C19orf53: variants seen among roughly 807,000 people sequenced by gnomAD.
The protein encoded by C19orf53 is chromosome 19 open reading frame 53.
Under a neutral mutation model 6.5 loss-of-function variants are expected in C19orf53, and 9 were observed. The observed-to-expected ratio is 1.38, with a 90% CI of 0.83 to 2.40. C19orf53 has a LOEUF of 2.40. Among genes scored for constraint, C19orf53 ranks in the 30% most tolerant of loss-of-function variants. The probability of loss-of-function intolerance (pLI) is 0.00; values close to 1 mark genes in which losing one functional copy is unlikely to be tolerated. For missense variants in C19orf53, 166 were observed against 129.7 expected (o/e 1.28, Z -1.36); for synonymous variants, 68 against 52.5 (o/e 1.29, Z -1.27).
Position 13,776,608 on chromosome 19 carries a change from C to T in C19orf53, c.154-1444C>T, listed in dbSNP as rs887471376. Among the ~76,000 whole-genome samples the T allele has an allele frequency of 1.9e-4, 29 of 152,310 alleles. 1 individual carries two copies. The highest frequency in any genetic ancestry group is 2.9e-4 in the Non-Finnish European group (20 of 68,022). On this transcript the variant is annotated intron_variant, in intron 2 of 2. Coordinates refer to ENST00000588234, the MANE Select transcript of C19orf53 (RefSeq NM_014047.3). ...TCCCTCTAGCCTTACTGGCCCCTGA[C>T]CCCTCCTTCCCGGAGCCCTTCCTGG...
chr19:13,776,741 G>A (rs890583666), intron 2 of C19orf53, among the ~76,000 whole-genome samples: 7 of 152,130 alleles, frequency 4.6e-5, no homozygotes, highest in African/African-American at 1.7e-4. Flanking sequence ...AAAGAGGCCT[G>A]CCTTGATGGT....
Position 13,774,569 on chromosome 19 carries a change from A to C in C19orf53, c.92A>C (p.Lys31Thr). 1 of 1,614,056 alleles carries C rather than the reference A, an allele frequency of 6.2e-7. No individual in the cohort carries two copies. Among genetic ancestry groups the C allele is most frequent in the African/African-American group, 1.3e-5 (1 of 75,052 alleles). ...AASEKNRGPR[K>T]GGRVIAPKKA... The stretch of plus-strand genomic sequence containing the variant: ...TCTGAAAAGAATCGGGGCCCAAGAA[A>C]AGGCGGTAAGGAGCGGCCCGGGGAC... Residue 31 changes from lysine (K) to threonine (T), a missense_variant, in exon 1 of 3, where the codon AAA (lysine) becomes ACA (threonine). By Grantham distance (78) the Lys-to-Thr change is moderately conservative. Transcript: ENST00000588234.
rs532495738 is a variant in C19orf53, at chr19:13,777,932, C to T, written c.154-120C>T. The T allele has an allele frequency of 3.4e-4, 435 of 1,269,856 alleles. 6 individuals are homozygous for T. In the South Asian group the frequency reaches 6.0e-3, roughly 18 times the overall value. The allele number at this position is 1,269,856 out of a possible 1,614,324, so 78.7% of individuals were successfully genotyped here. A position where few individuals can be genotyped will look rare whatever the true frequency, so the allele number is the denominator to read the frequency against. On this transcript the variant is annotated intron_variant, in intron 2 of 2. Coordinates refer to ENST00000588234, the MANE Select transcript of C19orf53 (RefSeq NM_014047.3). ...CAGCCACCAGACCCACAGTCAGGTG[C>T]GGTTCGAGGGGATAGTTGCTGATCT...
rs558572605 is a variant in C19orf53, at chr19:13,778,200, G to A, written c.*2G>A. ...ACCTCCTCCAAGACACCTTCCTGAG[G>A]ACGCTGGCCCCAGTGCAGGCCAACA... On this transcript the variant is annotated 3_prime_UTR_variant, in exon 3 of 3. Coordinates refer to ENST00000588234, the MANE Select transcript of C19orf53 (RefSeq NM_014047.3). 4 of 1,597,876 alleles carry A rather than the reference G, an allele frequency of 2.5e-6. No homozygotes were observed. The highest frequency in any genetic ancestry group is 1.7e-5 in the Admixed American group (1 of 58,252).
chr19:13,775,953 ATTTGT>A (rs972252289), intron 2 of C19orf53, among the ~76,000 whole-genome samples: 2 of 150,656 alleles, frequency 1.3e-5, no homozygotes, highest in Non-Finnish European at 3.0e-5. Context: ...GTCTCATCCC[ATTTGT>A]TTTGTTTTGT....
chr19:13,778,005 C>T, intron 2 of C19orf53, 47 bp from the exon 3 acceptor site: 1 of 1,568,300 alleles, frequency 6.4e-7, no homozygotes, highest in Non-Finnish European at 8.7e-7. Context: ...GTCAGGCCCT[C>T]TCTCAGCCCC....
In C19orf53 at chr19:13,774,532, G is replaced by A. The variant is rs767888673; in HGVS notation, c.55G>A (p.Ala19Thr). The stretch of plus-strand genomic sequence containing the variant: ...GCACAAACCCGCAAAGAGTAAGACG[G>A]CAGCGGCAGCCTCTGAAAAGAATCG... ...QAHKPAKSKT[A>T]AAASEKNRGP... is the part of the protein sequence containing the mutation. The change falls in exon 1 of 3, where the codon GCA becomes ACA. Residue 19 changes from alanine (A) to threonine (T), a missense_variant. Coordinates refer to ENST00000588234, the MANE Select transcript of C19orf53 (RefSeq NM_014047.3). The A allele has an allele frequency of 1.2e-6, 2 of 1,613,756 alleles. No homozygotes were observed. Among genetic ancestry groups the A allele is most frequent in the Non-Finnish European group, 8.5e-7 (1 of 1,179,748 alleles).
Position 13,778,174 on chromosome 19 carries a change from C to T in C19orf53, c.276C>T (p.Ala92=). 1 of 1,609,808 alleles carries T rather than the reference C, an allele frequency of 6.2e-7. No individual in the cohort carries two copies. The highest frequency in any genetic ancestry group is 8.5e-7 in the Non-Finnish European group (1 of 1,177,416). Residue 92 remains alanine, a synonymous_variant, in exon 3 of 3, where the codon GCC becomes GCT. Transcript: ENST00000588234. ...APAKKKGAAA[A]TSSKTPS is the part of the protein sequence containing the mutation. Reference sequence around the variant, plus strand: ...CCAAGAAGAAAGGGGCAGCTGCCGCCACCTCCTCCAAGACACCTTCCTGAG... The same window carrying T: ...CCAAGAAGAAAGGGGCAGCTGCCGCTACCTCCTCCAAGACACCTTCCTGAG...
intron 2 of C19orf53, among the ~76,000 whole-genome samples, chr19:13,777,298 T>G (rs1392642630): frequency 2.6e-5 from 4 of 151,538 alleles, no homozygotes; most frequent in Non-Finnish European, 5.9e-5. Context: ...CAGGCTGCAG[T>G]GTAGTGGAAC....
chr19:13,776,111 C>T (rs1974368308), intron 2 of C19orf53, among the ~76,000 whole-genome samples: 1 of 149,778 alleles, frequency 6.7e-6, no homozygotes, highest in Non-Finnish European at 1.5e-5. Context: ...GCCTGCACCA[C>T]CACACCGGGC....
At position 13,776,846 on chromosome 19, in the gene C19orf53, A is replaced by C. The variant is rs141037137; in HGVS notation, c.154-1206A>C. ...GTAACATATTACGCTACTGATGCTT[A>C]TATTGTCCCGGTACATGCACTGAAT... is the stretch of plus-strand genomic sequence containing the variant. On this transcript the variant is annotated intron_variant, in intron 2 of 2. Coordinates refer to ENST00000588234, the MANE Select transcript of C19orf53 (RefSeq NM_014047.3). Among the ~76,000 whole-genome samples the C allele has an allele frequency of 6.4e-3, 972 of 152,312 alleles. 7 individuals carry two copies. The highest frequency in any genetic ancestry group is 0.022 in the African/African-American group (927 of 41,566).
At chr19:13,777,994 G>A in intron 2 of C19orf53, 58 bp from the exon 3 acceptor site, 1 of 1,553,756 alleles carries the variant, frequency 6.4e-7, no homozygotes, top group Non-Finnish European at 8.7e-7. Flanking sequence ...GAGGGTGACT[G>A]GTCAGGCCCT....
At chr19:13,777,446 G>A (rs1024983895) in intron 2 of C19orf53, among the ~76,000 whole-genome samples, 4 of 152,172 alleles carry the variant, frequency 2.6e-5, no homozygotes, top group South Asian at 2.1e-4. Flanking sequence ...GGCTGGTCTC[G>A]AGTTCCTGGG....
intron 2 of C19orf53, 93 bp from the exon 3 acceptor site, chr19:13,777,959 G>A: frequency 4.7e-6 from 7 of 1,476,432 alleles, no homozygotes; most frequent in Non-Finnish European, 6.4e-6. Context: ...TGCTGATCTA[G>A]CCCCCTGCGA....
At chr19:13,775,290 A>G (rs1288850596) in intron 2 of C19orf53, among the ~76,000 whole-genome samples, 1 of 150,972 alleles carries the variant, frequency 6.6e-6, no homozygotes, top group Non-Finnish European at 1.5e-5. Flanking sequence ...GGTTATCGTC[A>G]TTTTTTTTTG....
chr19:13,775,028 G>A (rs1295575360), intron 2 of C19orf53: 1 of 480,646 alleles, frequency 2.1e-6, no homozygotes, highest in Admixed American at 3.6e-5. Context: ...AGGCCTGGAG[G>A]ACTCCCAGCT....
At chr19:13,775,344 A>G (rs1233417178) in intron 2 of C19orf53, 8 of 161,984 alleles carry the variant, frequency 4.9e-5, no homozygotes, top group African/African-American at 1.9e-4. Flanking sequence ...CAGTGGCCCC[A>G]TTATAGCTCA....
intron 2 of C19orf53, chr19:13,774,918 C>T (rs1049706184): frequency 3.1e-6 from 2 of 640,966 alleles, no homozygotes; most frequent in East Asian, 2.8e-5. Context: ...GAGGTGGAAG[C>T]TGGCGAGGGA....
intron 2 of C19orf53, among the ~76,000 whole-genome samples, chr19:13,776,308 C>T (rs527738241): frequency 2.0e-5 from 3 of 151,876 alleles, no homozygotes; most frequent in Non-Finnish European, 2.9e-5. Flanking sequence ...ATCCAGAATC[C>T]ACCCGCCTCC....
Sources: gnomAD v4.1 joint callset for allele counts (sites outside exome capture counted in the v4.1 genomes callset) on GRCh38, gnomAD v4.1.1 for gene constraint, MANE v1.5 for transcripts, NCBI Gene and HGNC (gene_info 2026-07-23, HGNC 2026-07-21) for gene names.